Variants in ANK3 observed in about 807,000 individuals in gnomAD.
ANK3 encodes ankyrin-3.
In ANK3, 57 loss-of-function variants were observed where a neutral mutation model predicts 370.9. That is an observed-to-expected ratio of 0.15 (90% CI 0.12 to 0.19). The LOEUF (loss-of-function observed/expected upper bound fraction) is 0.19. Among genes scored for constraint, ANK3 ranks in the 10% least tolerant of loss-of-function variants. ANK3 has a pLI of 1.00. For missense variants in ANK3, 4,439 were observed against 5,302.1 expected (o/e 0.84, Z 5.06); for synonymous variants, 1,929 against 1,946.3 (o/e 0.99, Z 0.23).
At chr10:60,521,172 C>A (rs912349374) in intron 2 of ANK3, among the ~76,000 whole-genome samples, 8 of 151,982 alleles carry the variant, frequency 5.3e-5, no homozygotes, top group Admixed American at 5.3e-4. Context: ...GAGGTTATTT[C>A]TCTTCTTTGT....
intron 2 of ANK3, among the ~76,000 whole-genome samples, chr10:60,589,178 T>G (rs2077875950): frequency 6.6e-6 from 1 of 152,244 alleles, no homozygotes; most frequent in African/African-American, 2.4e-5. Flanking sequence ...TGTCAATGAT[T>G]CTAAAATTCT....
At chr10:60,233,200 TG>T (rs1014196201) in intron 8 of ANK3, among the ~76,000 whole-genome samples, 22 of 152,214 alleles carry the variant, frequency 1.4e-4, no homozygotes, top group African/African-American at 5.1e-4. Flanking sequence ...AACATTATCT[TG>T]ATCTTTGCAA....
At chr10:60,213,674 C>T (rs778615675) in intron 8 of ANK3, among the ~76,000 whole-genome samples, 164 bp from the exon 9 acceptor site, 3 of 152,132 alleles carry the variant, frequency 2.0e-5, no homozygotes, top group Non-Finnish European at 4.4e-5. Context: ...AGGTTGAAAA[C>T]TACATTTTTT....
At chr10:60,458,957 C>CA (rs1343688192) in intron 2 of ANK3, among the ~76,000 whole-genome samples, 1 of 151,994 alleles carries the variant, frequency 6.6e-6, no homozygotes, top group African/African-American at 2.4e-5. Flanking sequence ...ATGCTCCTAA[C>CA]AAAAAATGTT....
At chr10:60,181,242 G>T in intron 18 of ANK3, 87 bp downstream of exon 18, 1 of 1,148,000 alleles carries the variant, frequency 8.7e-7, no homozygotes, top group South Asian at 1.3e-5. Flanking sequence ...TAAAGGGTTT[G>T]TTCTCCTGAT....
intron 2 of ANK3, among the ~76,000 whole-genome samples, chr10:60,441,940 A>C (rs1040330853): frequency 2.6e-5 from 4 of 152,080 alleles, no homozygotes; most frequent in African/African-American, 4.8e-5. Context: ...TTTTGCTTAA[A>C]ATTTTGCACT....
intron 16 of ANK3, 147 bp downstream of exon 16, chr10:60,195,998 A>AAC: frequency 1.6e-6 from 1 of 636,392 alleles, no homozygotes; most frequent in East Asian, 2.8e-5. Flanking sequence ...CACTGAAGGC[A>AAC]CAGATGTCCT....
chr10:60,325,902 G>A (rs927488184), intron 1 of ANK3, among the ~76,000 whole-genome samples: 2 of 152,118 alleles, frequency 1.3e-5, no homozygotes, highest in Non-Finnish European at 2.9e-5. Flanking sequence ...ATGATAGACC[G>A]AATAAAGAAA....
chr10:60,226,302 ATGT>A, intron 8 of ANK3, among the ~76,000 whole-genome samples: 1 of 112,084 alleles, frequency 8.9e-6, no homozygotes, highest in East Asian at 2.8e-4. Flanking sequence ...TATATAGTAT[ATGT>A]AATACTATAT....
intron 43 of ANK3, among the ~76,000 whole-genome samples, chr10:60,031,677 T>A (rs2073597976): frequency 1.3e-5 from 2 of 152,016 alleles, no homozygotes; most frequent in Admixed American, 1.3e-4. Flanking sequence ...GGCCCAGGAG[T>A]TCCAGTGACC....
At chr10:60,402,039 G>A (rs571535074) in intron 2 of ANK3, among the ~76,000 whole-genome samples, 3 of 152,198 alleles carry the variant, frequency 2.0e-5, no homozygotes, top group Admixed American at 2.0e-4. Flanking sequence ...TGGGGACCGG[G>A]AGAAATATAT....
At chr10:60,520,763 G>T (rs1331894646) in intron 2 of ANK3, among the ~76,000 whole-genome samples, 2 of 152,086 alleles carry the variant, frequency 1.3e-5, no homozygotes, top group Non-Finnish European at 2.9e-5. Flanking sequence ...TTGGCAAACA[G>T]AAATTATTTG....
chr10:60,372,585 G>A lies in ANK3; in HGVS notation c.114+16840C>T, dbSNP rs576360640. The stretch of plus-strand genomic sequence containing the variant: ...ACAATCAGAACTGTTCAGCAATGGG[G>A]GCTATGTTCAGAGATAGGACATTTC... On this transcript the variant is annotated intron_variant, in intron 1 of 43. Coordinates refer to ENST00000280772, the MANE Select transcript of ANK3 (RefSeq NM_020987.5). Among the ~76,000 whole-genome samples, 57 of 152,268 alleles carry A rather than the reference G, an allele frequency of 3.7e-4. No individual in the cohort carries two copies. The South Asian group carries it at 0.012, about 31-fold the overall frequency.
chr10:60,128,303 CA>C (rs2093877422), intron 25 of ANK3, among the ~76,000 whole-genome samples: 1 of 151,978 alleles, frequency 6.6e-6, no homozygotes, highest in Non-Finnish European at 1.5e-5. Flanking sequence ...GCCAGATGGC[CA>C]GTGACTCTGC....
intron 1 of ANK3, among the ~76,000 whole-genome samples, chr10:60,364,288 G>A (rs554012174): frequency 1.7e-4 from 16 of 91,900 alleles, no homozygotes; most frequent in Admixed American, 9.1e-4. Flanking sequence ...AGCAAGACTC[G>A]GTCTCAAAAA....
intron 2 of ANK3, among the ~76,000 whole-genome samples, chr10:60,577,114 T>C (rs1259233933): frequency 1.3e-5 from 2 of 152,192 alleles, no homozygotes; most frequent in Non-Finnish European, 2.9e-5. Context: ...CACTACTTTG[T>C]GCAAATGCCA....
intron 1 of ANK3, among the ~76,000 whole-genome samples, chr10:60,347,547 G>A (rs2055872165): frequency 6.6e-6 from 1 of 151,854 alleles, no homozygotes; most frequent in Non-Finnish European, 1.5e-5. Flanking sequence ...TGTAAAATGA[G>A]GATAAAAATA....
At chr10:60,135,164 T>A (rs562261861) in intron 24 of ANK3, among the ~76,000 whole-genome samples, 3 of 152,304 alleles carry the variant, frequency 2.0e-5, no homozygotes, top group South Asian at 4.1e-4. Flanking sequence ...CATGTCACTC[T>A]CGTGACCTTG....
intron 1 of ANK3, among the ~76,000 whole-genome samples, chr10:60,682,614 C>T (rs2079211411): frequency 6.6e-6 from 1 of 152,112 alleles, no homozygotes; most frequent in South Asian, 2.1e-4. Context: ...GGTCTTAAGA[C>T]CCTTCCTGGT....
Sources: allele counts gnomAD v4.1 joint callset (sites outside exome capture counted in the v4.1 genomes callset), GRCh38; gene constraint gnomAD v4.1.1; transcripts MANE v1.5; gene names NCBI Gene and HGNC (gene_info 2026-07-23, HGNC 2026-07-21).